PHACTR1: variants seen among roughly 807,000 people sequenced by gnomAD.
The protein encoded by PHACTR1 is RPEL repeat containing 1.
Under a neutral mutation model 69.2 loss-of-function variants are expected in PHACTR1, and 16 were observed. The ratio of observed to expected loss-of-function variants is 0.23; its 90% CI spans 0.16 to 0.35. PHACTR1 has a LOEUF of 0.35. Ranked by LOEUF, PHACTR1 falls within the 10% of genes least tolerant of loss-of-function variation. PHACTR1 has a pLI of 1.00. For missense variants in PHACTR1, 510 were observed against 734.7 expected (o/e 0.69, Z 3.54); for synonymous variants, 312 against 284.5 (o/e 1.10, Z -0.97).
At chr6:12,779,992 A>ATG (rs1161608978) in intron 4 of PHACTR1, among the ~76,000 whole-genome samples, 4 of 152,322 alleles carry the variant, frequency 2.6e-5, no homozygotes, top group African/African-American at 9.6e-5. Flanking sequence ...GATGAGGTCC[A>ATG]TGTGTGTGCC....
chr6:12,879,614 A>G (rs1782880232), intron 4 of PHACTR1, among the ~76,000 whole-genome samples: 1 of 152,158 alleles, frequency 6.6e-6, no homozygotes, highest in South Asian at 2.1e-4. Context: ...CTAGGTCAAC[A>G]CTAACTCGTA....
At chr6:13,215,577 A>G (rs1458472181) in intron 8 of PHACTR1, among the ~76,000 whole-genome samples, 1 of 152,206 alleles carries the variant, frequency 6.6e-6, no homozygotes, top group Non-Finnish European at 1.5e-5. Context: ...ATGACGTAAC[A>G]TTGTAATCAG....
At chr6:12,981,049 A>G (rs1795467035) in intron 4 of PHACTR1, among the ~76,000 whole-genome samples, 1 of 152,226 alleles carries the variant, frequency 6.6e-6, no homozygotes, top group Admixed American at 6.5e-5. Flanking sequence ...GCCAAACAGG[A>G]TTACAAATCA....
At chr6:13,111,959 G>A (rs1457809667) in intron 5 of PHACTR1, among the ~76,000 whole-genome samples, 4 of 151,954 alleles carry the variant, frequency 2.6e-5, no homozygotes, top group African/African-American at 9.7e-5. Flanking sequence ...TCTTTGTACG[G>A]ATTATTTCAT....
At chr6:13,055,912 AT>A (rs1235818841) in intron 5 of PHACTR1, among the ~76,000 whole-genome samples, 2 of 152,272 alleles carry the variant, frequency 1.3e-5, no homozygotes, top group African/African-American at 4.8e-5. Context: ...CATTCTTGTC[AT>A]TAATGATCAT....
At chr6:12,863,272 C>A (rs1781123392) in intron 4 of PHACTR1, among the ~76,000 whole-genome samples, 1 of 152,224 alleles carries the variant, frequency 6.6e-6, no homozygotes, top group Non-Finnish European at 1.5e-5. Flanking sequence ...AAGGTGCTAG[C>A]CCCCTTGAGG....
chr6:12,961,052 C>T (rs770302347), intron 4 of PHACTR1, among the ~76,000 whole-genome samples: 3 of 152,166 alleles, frequency 2.0e-5, no homozygotes, highest in Non-Finnish European at 4.4e-5. Flanking sequence ...CTACAAAGTT[C>T]AGGATCCACA....
chr6:12,867,320 C>T (rs1457432451), intron 4 of PHACTR1, among the ~76,000 whole-genome samples: 1 of 152,200 alleles, frequency 6.6e-6, no homozygotes, highest in Non-Finnish European at 1.5e-5. Context: ...AGTTGAACCT[C>T]ACTAGGCTCA....
At chr6:13,155,568 A>G (rs1361870136) in intron 5 of PHACTR1, among the ~76,000 whole-genome samples, 2 of 152,202 alleles carry the variant, frequency 1.3e-5, no homozygotes, top group African/African-American at 2.4e-5. Context: ...GGTGTCATGC[A>G]TACCTTGTTA....
At chr6:13,280,827 T>C (rs1779998362) in intron 12 of PHACTR1, 1 of 575,244 alleles carries the variant, frequency 1.7e-6, no homozygotes, top group East Asian at 7.1e-5. Flanking sequence ...TTTTGCAGCA[T>C]TCAAGGAAGG....
chr6:13,010,541 T>C (rs1395625519), intron 4 of PHACTR1, among the ~76,000 whole-genome samples: 1 of 152,192 alleles, frequency 6.6e-6, no homozygotes, highest in Non-Finnish European at 1.5e-5. Context: ...ATCTGAAACC[T>C]CAATATGCAT....
At chr6:13,229,336 T>C (rs1015802257) in intron 9 of PHACTR1, among the ~76,000 whole-genome samples, 8 of 152,118 alleles carry the variant, frequency 5.3e-5, no homozygotes, top group African/African-American at 1.9e-4. Context: ...TTTTGCCAGG[T>C]GTTCCCTGGG....
At chr6:13,268,221 T>C in intron 10 of PHACTR1, among the ~76,000 whole-genome samples, 1 of 152,126 alleles carries the variant, frequency 6.6e-6, no homozygotes, top group Non-Finnish European at 1.5e-5. Context: ...GAGCTGAGAT[T>C]GTGCCACTGC....
chr6:13,178,002 T>A (rs536801904), intron 6 of PHACTR1, among the ~76,000 whole-genome samples: 1 of 152,342 alleles, frequency 6.6e-6, no homozygotes, highest in East Asian at 1.9e-4. Context: ...CCTAACATCT[T>A]TGTTTCTTAT....
intron 4 of PHACTR1, among the ~76,000 whole-genome samples, chr6:12,870,369 A>G (rs983724322): frequency 1.3e-5 from 2 of 152,144 alleles, no homozygotes; most frequent in African/African-American, 4.8e-5. Context: ...ATCTAATTCA[A>G]TTCTTTTAAA....
At chr6:13,047,674 A>C (rs909928386) in intron 4 of PHACTR1, among the ~76,000 whole-genome samples, 1 of 152,002 alleles carries the variant, frequency 6.6e-6, no homozygotes, top group South Asian at 2.1e-4. Context: ...TGGGGTCCCA[A>C]ATGGGCTGCC....
rs1317191291 is a variant in PHACTR1, at chr6:13,026,655, G to A, written c.251-26710G>A. On this transcript the variant is annotated intron_variant, in intron 4 of 14. Transcript: ENST00000332995. ...AATGGAGGACCAAACAGGCATGTATGTGTGATTCACAGGGTGGGAGGATGA... is the reference window on the plus strand; with the variant it reads ...AATGGAGGACCAAACAGGCATGTATATGTGATTCACAGGGTGGGAGGATGA... Among the ~76,000 whole-genome samples the A allele has an allele frequency of 2.6e-5, 4 of 152,154 alleles. 1 individual carries two copies. In the South Asian group the frequency reaches 8.3e-4, roughly 32 times the overall value.
intron 5 of PHACTR1, among the ~76,000 whole-genome samples, chr6:13,159,906 C>T (rs1758733821): frequency 6.6e-6 from 1 of 152,020 alleles, no homozygotes. Context: ...CGCCACTGTA[C>T]TCCAGCCTGG....
At chr6:13,217,097 T>C (rs916194249) in intron 8 of PHACTR1, among the ~76,000 whole-genome samples, 6 of 152,194 alleles carry the variant, frequency 3.9e-5, no homozygotes, top group African/African-American at 1.4e-4. Context: ...AAGGAAATAT[T>C]TTAATAAATT....
Sources: gnomAD v4.1 joint callset for allele counts (sites outside exome capture counted in the v4.1 genomes callset) on GRCh38, gnomAD v4.1.1 for gene constraint, MANE v1.5 for transcripts, NCBI Gene and HGNC (gene_info 2026-07-23, HGNC 2026-07-21) for gene names.